Variants in HID1 observed in about 807,000 individuals in gnomAD.
HID1 encodes the protein protein HID1.
Under a neutral mutation model 89.7 loss-of-function variants are expected in HID1, and 42 were observed. The observed-to-expected ratio is 0.47, with a 90% confidence interval of 0.37 to 0.61. The LOEUF is 0.61. HID1 is among the 20% of genes least tolerant of loss of function. The probability of loss-of-function intolerance (pLI) is 0.00; values close to 1 mark genes in which losing one functional copy is unlikely to be tolerated. For missense variants in HID1, 854 were observed against 1,039.3 expected, an observed-to-expected ratio of 0.82 and a Z score of 2.45; for synonymous variants, 442 against 433.8, an observed-to-expected ratio of 1.02 and a Z score of -0.24.
intron 6 of HID1, among the ~76,000 whole-genome samples, chr17:74,961,249 T>C (rs964986963): frequency 6.6e-6 from 1 of 152,086 alleles, no homozygotes. Flanking sequence ...ATATGAAATA[T>C]ATTATTAATT....
chr17:74,959,868 G>T lies in HID1; in HGVS notation c.1008+13C>A. 2 of 1,613,488 alleles carry T rather than the reference G, an allele frequency of 1.2e-6. No homozygotes were observed. The highest frequency in any genetic ancestry group is 1.1e-5 in the South Asian group (1 of 91,072). Reference sequence around the variant, plus strand: ...CCTGCACCCTGCAAAGCCACTGTGGGGACTGGACTTGCCTCCTCACGATGG... The same window carrying T: ...CCTGCACCCTGCAAAGCCACTGTGGTGACTGGACTTGCCTCCTCACGATGG... On this transcript the variant is annotated intron_variant, in intron 8 of 18. Coordinates refer to ENST00000425042, the MANE Select transcript of HID1 (RefSeq NM_030630.3). This position sits in a 1 kb window ranked among gnomAD's most constrained non-coding sequence, Gnocchi z 4.6.
intron 1 of HID1, among the ~76,000 whole-genome samples, chr17:74,969,470 G>A (rs2039612780): frequency 6.6e-6 from 1 of 152,122 alleles, no homozygotes; most frequent in Admixed American, 6.6e-5. Context: ...ACAGGCATGA[G>A]CCACCGCACC....
chr17:74,951,684 G>T, intron 18 of HID1, 51 bp from the exon 19 acceptor site: 1 of 1,554,008 alleles, frequency 6.4e-7, no homozygotes, highest in Non-Finnish European at 8.8e-7. Context: ...TTGCAGACAA[G>T]GCACCAGGAG....
chr17:74,952,390 GA>G, intron 16 of HID1, 30 bp from the exon 17 acceptor site: 1 of 1,573,378 alleles, frequency 6.4e-7, no homozygotes, highest in South Asian at 1.1e-5. Flanking sequence ...CTGGGGCTGA[GA>G]AAGCAGCCCC....
Position 74,958,605 on chromosome 17 carries a change from G to T in HID1, c.1240+68C>A. On this transcript the variant is annotated intron_variant, in intron 10 of 18. Coordinates refer to ENST00000425042, the MANE Select transcript of HID1 (RefSeq NM_030630.3). This position sits in a 1 kb window ranked among gnomAD's most constrained non-coding sequence, Gnocchi z 5.2. Reference sequence around the variant, plus strand: ...CAGGCCTGAGCTCCTGGGAGTCAGGGCAGATAGCCAGCCCTCCACCTCGCC... The same window carrying T: ...CAGGCCTGAGCTCCTGGGAGTCAGGTCAGATAGCCAGCCCTCCACCTCGCC... The T allele has an allele frequency of 6.3e-7, 1 of 1,586,866 alleles. No individual in the cohort carries two copies. Among genetic ancestry groups the T allele is most frequent in the Non-Finnish European group, 8.6e-7 (1 of 1,157,242 alleles).
intron 1 of HID1, chr17:74,970,609 A>T (rs1464907627): frequency 6.5e-6 from 1 of 152,790 alleles, no homozygotes; most frequent in Non-Finnish European, 1.5e-5. Flanking sequence ...ATGGGGCAGG[A>T]AGAAAACAGG....
rs1406284735 is a variant in HID1 at position 74,958,421 on chromosome 17, C to T, written c.1298G>A (p.Arg433Gln). ...VFILLLLSGE[R>Q]NFGVRLNKPY... is the part of the protein sequence containing the mutation. ...TTTGTTCAGCCGCACCCCGAAGTTC[C>T]GCTCCCCGCTCAGAAGCAGCAAGAT... Residue 433 changes from arginine to glutamine, a missense_variant, in exon 11 of 19, where the codon CGG (arginine) becomes CAG (glutamine). Coordinates refer to ENST00000425042, the MANE Select transcript of HID1 (RefSeq NM_030630.3). The surrounding 1 kb of genome is among the most constrained non-coding windows in gnomAD (Gnocchi z 5.2). 3.1e-6 allele frequency: 5 copies of T among 1,604,870 alleles called. No homozygotes were observed. Among genetic ancestry groups the T allele is most frequent in the Admixed American group, 1.7e-5 (1 of 58,570 alleles).
In HID1 at chr17:74,963,810, G is replaced by A; in HGVS notation, c.317C>T (p.Pro106Leu). Residue 106 changes from proline to leucine, a missense_variant, in exon 3 of 19, where the codon CCC (proline) becomes CTC (leucine). Pro to Leu is a moderately conservative substitution (Grantham distance 98). Transcript: ENST00000425042. ...NCSRLLTRVL[P>L]YIFEDPDWRG... ...CCAGTCGGGGTCCTCAAAGATGTAG[G>A]GCAGCACGCGGGTGAGCAGCCGGCT... is the stretch of plus-strand genomic sequence containing the variant. The A allele has an allele frequency of 6.2e-7, 1 of 1,614,100 alleles. No homozygotes were observed. Among genetic ancestry groups the A allele is most frequent in the Non-Finnish European group, 8.5e-7 (1 of 1,180,012 alleles).
chr17:74,963,934 G>A, intron 2 of HID1, 24 bp from the exon 3 acceptor site: 2 of 1,612,666 alleles, frequency 1.2e-6, no homozygotes, highest in East Asian at 2.2e-5. Flanking sequence ...CAGGAGCAGA[G>A]GGCAGGCTGG....
In HID1 at chr17:74,963,819, C is replaced by T. The variant is rs1434457741; in HGVS notation, c.308G>A (p.Arg103His). 8.7e-6 allele frequency: 14 copies of T among 1,613,990 alleles called. No individual in the cohort carries two copies. Among genetic ancestry groups the T allele is most frequent in the East Asian group, 2.2e-5 (1 of 44,890 alleles). ...GTCCTCAAAGATGTAGGGCAGCACGCGGGTGAGCAGCCGGCTGCAGTTCAG... is the reference window on the plus strand; with the variant it reads ...GTCCTCAAAGATGTAGGGCAGCACGTGGGTGAGCAGCCGGCTGCAGTTCAG... ...IVLNCSRLLT[R>H]VLPYIFEDPD... The change falls in exon 3 of 19, where the codon CGC (arginine) becomes CAC (histidine). Residue 103 changes from arginine (R) to histidine (H), a missense_variant. Physicochemically the swap from Arg to His is conservative, Grantham distance 29 (BLOSUM62 0). Transcript: ENST00000425042.
rs1377982755 is a variant in HID1 at position 74,958,317 on chromosome 17, G to T, written c.1392+10C>A. The T allele has an allele frequency of 8.7e-6, 14 of 1,612,590 alleles. No homozygotes were observed. The highest frequency in any genetic ancestry group is 3.3e-4 in the Middle Eastern group (2 of 6,082). On this transcript the variant is annotated intron_variant, in intron 11 of 18. Transcript: ENST00000425042. The surrounding 1 kb of genome is among the most constrained non-coding windows in gnomAD (Gnocchi z 5.2). ...GCACCTCCTGGGCCCGGCCGCACGA[G>T]CCCCCTCACCACAATGAGCAGGTCG...
chr17:74,972,183 G>C lies in HID1; in HGVS notation c.66+408C>G, dbSNP rs2039658124. On this transcript the variant is annotated intron_variant, in intron 1 of 18. Transcript: ENST00000425042. The surrounding 1 kb of genome is among the most constrained non-coding windows in gnomAD (Gnocchi z 6.4). Reference sequence around the variant, plus strand: ...TGCATTGAGTCAACAGGGACTGTGCGTCCGGGACCCGCGGGCAATGAGGGG... The same window carrying C: ...TGCATTGAGTCAACAGGGACTGTGCCTCCGGGACCCGCGGGCAATGAGGGG... 6.6e-6 allele frequency among the ~76,000 whole-genome samples: 1 copy of C among 151,684 alleles called. No individual in the cohort carries two copies. The highest frequency in any genetic ancestry group is 2.1e-4 in the South Asian group (1 of 4,820).
rs80198913 is a variant in HID1, at chr17:74,954,277, G to A, written c.1725C>T (p.His575=). ...TCCGCCGGCGCCGCTGCAGGGCCTTGTGAATGGTGGGCGGGTCCGTGGGCA... is the reference window on the plus strand; with the variant it reads ...TCCGCCGGCGCCGCTGCAGGGCCTTATGAATGGTGGGCGGGTCCGTGGGCA... ...ANLPTDPPTI[H]KALQRRRRTP... The change falls in exon 14 of 19, where the codon CAC becomes CAT. Residue 575 remains histidine (H), a synonymous_variant. Coordinates refer to ENST00000425042, the MANE Select transcript of HID1 (RefSeq NM_030630.3). The A allele has an allele frequency of 5.7e-4, 901 of 1,588,238 alleles. 1 individual carries two copies. Among genetic ancestry groups the A allele is most frequent in the Non-Finnish European group, 7.0e-4 (823 of 1,168,150 alleles).
chr17:74,970,972 T>A (rs1362836201), intron 1 of HID1, among the ~76,000 whole-genome samples: 1 of 152,158 alleles, frequency 6.6e-6, no homozygotes, highest in Non-Finnish European at 1.5e-5. Flanking sequence ...CTATCCAGGT[T>A]CTATTCCAAG....
chr17:74,959,753 A>G lies in HID1; in HGVS notation c.1008+128T>C. 1 of 968,506 alleles carries G rather than the reference A, an allele frequency of 1.0e-6. No homozygotes were observed. The highest frequency in any genetic ancestry group is 1.6e-6 in the Non-Finnish European group (1 of 621,422). The allele number at this position is 968,506 out of a possible 1,614,324, so 60.0% of individuals were successfully genotyped here. A position where few individuals can be genotyped will look rare whatever the true frequency, so the allele number is the denominator to read the frequency against. ...TTGAAACCCTCACAGTCCTGCCACT[A>G]TTTCACCTAGGGTGGCCCCAGCCCA... On this transcript the variant is annotated intron_variant, in intron 8 of 18. Coordinates refer to ENST00000425042, the MANE Select transcript of HID1 (RefSeq NM_030630.3). This position sits in a 1 kb window ranked among gnomAD's most constrained non-coding sequence, Gnocchi z 4.6.
At chr17:74,964,070 G>A in intron 2 of HID1, 160 bp from the exon 3 acceptor site, 1 of 713,244 alleles carries the variant, frequency 1.4e-6, no homozygotes, top group East Asian at 2.7e-5. Flanking sequence ...GCCACCTGGA[G>A]TTGGGGTCGG....
chr17:74,959,813 T>A lies in HID1; in HGVS notation c.1008+68A>T, dbSNP rs749745411. On this transcript the variant is annotated intron_variant, in intron 8 of 18. Transcript: ENST00000425042. The surrounding 1 kb of genome is among the most constrained non-coding windows in gnomAD (Gnocchi z 4.6). ...TGGTTCCTTCATGGAGGGGTCAGGA[T>A]CCCCCATATCCCTGTCTCACTTGCA... 136 of 1,515,062 alleles carry A rather than the reference T, an allele frequency of 9.0e-5. No homozygotes were observed. Among genetic ancestry groups the A allele is most frequent in the Non-Finnish European group, 1.2e-4 (134 of 1,092,786 alleles). 93.9% of individuals were successfully genotyped at this position (1,515,062 alleles called of 1,614,324 possible). A position where few individuals can be genotyped will look rare whatever the true frequency, so the allele number is the denominator to read the frequency against.
At chr17:74,971,681 G>A (rs2039649904) in intron 1 of HID1, among the ~76,000 whole-genome samples, 1 of 152,234 alleles carries the variant, frequency 6.6e-6, no homozygotes, top group Non-Finnish European at 1.5e-5. Context: ...TCAGGGCCGA[G>A]CATCTCTGTG....
At chr17:74,951,862 G>A (rs1347465144) in intron 18 of HID1, 43 bp downstream of exon 18, 3 of 1,477,694 alleles carry the variant, frequency 2.0e-6, no homozygotes, top group African/African-American at 1.4e-5. Flanking sequence ...AGCCCTGCTG[G>A]GCAGGCTCTC....
Sources: gnomAD v4.1 joint callset for allele counts (sites outside exome capture counted in the v4.1 genomes callset) on GRCh38, gnomAD v4.1.1 for gene constraint, Gnocchi (gnomAD v3.1) non-coding constraint, MANE v1.5 for transcripts, NCBI Gene and HGNC (gene_info 2026-07-23, HGNC 2026-07-21) for gene names.